The following NREP variants were observed in gnomAD, a reference collection of about 807,000 sequenced individuals.
NREP encodes the protein neuronal regeneration-related protein.
NREP carries 5 observed loss-of-function variants against 8.6 expected under a neutral mutation model. That is an observed-to-expected ratio of 0.58 (90% CI 0.30 to 1.22). NREP has a LOEUF of 1.22. Among genes scored for constraint, NREP ranks in the 50% most tolerant of loss-of-function variants. The pLI is 0.07. For synonymous variants in NREP, 27 were observed against 28.0 expected (o/e 0.96, Z 0.11); for missense variants, 86 against 82.5 (o/e 1.04, Z -0.17).
At chr5:111,946,346 T>C (rs1755982867) in intron 2 of NREP, among the ~76,000 whole-genome samples, 1 of 151,984 alleles carries the variant, frequency 6.6e-6, no homozygotes, top group Non-Finnish European at 1.5e-5. Flanking sequence ...ATGTTTGAAG[T>C]GTGGGCCCTA....
chr5:111,975,453 C>G lies in NREP; in HGVS notation c.31-75G>C, dbSNP rs1581266510. ...GCCACAACTCACAGCTCCAGCAATT[C>G]AGAGAGGAGGAGAATGGGCATTGTT... is the stretch of plus-strand genomic sequence containing the variant. On this transcript the variant is annotated intron_variant, in intron 1 of 3. Transcript: ENST00000395634. The G allele has an allele frequency of 7.2e-6, 7 of 969,306 alleles. No individual in the cohort carries two copies. In the East Asian group the frequency reaches 1.8e-4, roughly 25 times the overall value. The allele number at this position is 969,306 out of a possible 1,614,324, so 60.0% of individuals were successfully genotyped here.
rs116403396 is a variant in NREP at position 111,937,305 on chromosome 5, C to T, written c.135+37969G>A. 4.1e-3 allele frequency among the ~76,000 whole-genome samples: 629 copies of T among 152,226 alleles called. 7 individuals are homozygous for T. The highest frequency in any genetic ancestry group is 0.014 in the African/African-American group (595 of 41,564). On this transcript the variant is annotated intron_variant, in intron 2 of 3. Coordinates refer to the NREP transcript ENST00000395634. Reference sequence around the variant, plus strand: ...ATAACTGTCTTTCTCACTGGAATAACTTCCAAGATTAGCAGAATCCTGCAC... The same window carrying T: ...ATAACTGTCTTTCTCACTGGAATAATTTCCAAGATTAGCAGAATCCTGCAC...
intron 2 of NREP, among the ~76,000 whole-genome samples, chr5:111,871,998 T>C (rs1365505201): frequency 6.7e-6 from 1 of 150,244 alleles, no homozygotes; most frequent in Non-Finnish European, 1.5e-5. Context: ...ATATGTATAA[T>C]CTTTCTGCTA....
upstream of NREP, chr5:111,757,730 G>A (rs1337717356): frequency 1.2e-5 from 12 of 984,396 alleles, no homozygotes; most frequent in Non-Finnish European, 1.4e-5. Flanking sequence ...CCCCGGCCCC[G>A]CCCCGGGAGC....
intron 2 of NREP, among the ~76,000 whole-genome samples, chr5:111,777,206 A>T (rs1347034509): frequency 6.6e-6 from 1 of 152,158 alleles, no homozygotes; most frequent in Admixed American, 6.6e-5. Context: ...TATGGATGGT[A>T]CATAATTAAT....
At chr5:111,804,979 C>T (rs532816402) in intron 2 of NREP, among the ~76,000 whole-genome samples, 1 of 148,610 alleles carries the variant, frequency 6.7e-6, no homozygotes, top group East Asian at 2.0e-4. Context: ...CTAGCCTGGG[C>T]GACAGAGCGA....
intron 2 of NREP, among the ~76,000 whole-genome samples, chr5:111,885,481 A>G: frequency 6.6e-6 from 1 of 152,314 alleles, no homozygotes; most frequent in Middle Eastern, 3.4e-3. Flanking sequence ...ACTACTTTAA[A>G]GTTCATATGG....
intron 2 of NREP, among the ~76,000 whole-genome samples, chr5:111,779,546 C>G (rs1031028841): frequency 2.0e-5 from 3 of 152,062 alleles, no homozygotes; most frequent in Non-Finnish European, 4.4e-5. Flanking sequence ...GCTATGAGAA[C>G]CAGGAGGAGA....
chr5:111,763,663 A>T (rs189414862), intron 2 of NREP, among the ~76,000 whole-genome samples: 529 of 152,388 alleles, frequency 3.5e-3, no homozygotes, highest in Non-Finnish European at 5.8e-3. Context: ...ACTGATCTGC[A>T]TCATGGTACA....
At chr5:111,963,103 A>G (rs143945320) in intron 2 of NREP, among the ~76,000 whole-genome samples, 1 of 152,264 alleles carries the variant, frequency 6.6e-6, no homozygotes, top group Non-Finnish European at 1.5e-5. Flanking sequence ...AGTGGATAAC[A>G]CATGGCTGTC....
At chr5:111,792,778 GAACA>G (rs1751780783) in intron 2 of NREP, among the ~76,000 whole-genome samples, 1 of 152,182 alleles carries the variant, frequency 6.6e-6, no homozygotes, top group African/African-American at 2.4e-5. Context: ...TGAATTAAAT[GAACA>G]AACAAAATTT....
At chr5:111,864,330 G>A (rs186607032) in intron 2 of NREP, among the ~76,000 whole-genome samples, 12 of 152,196 alleles carry the variant, frequency 7.9e-5, no homozygotes, top group Admixed American at 6.6e-4. Flanking sequence ...AGATATTATT[G>A]AGTTAAGAAG....
intron 2 of NREP, among the ~76,000 whole-genome samples, chr5:111,968,726 G>A (rs1045901757): frequency 6.6e-6 from 1 of 152,124 alleles, no homozygotes; most frequent in Non-Finnish European, 1.5e-5. Context: ...ACTACTTCTA[G>A]CTTCAGTTTC....
chr5:111,938,687 T>C (rs1755750450), intron 2 of NREP, among the ~76,000 whole-genome samples: 1 of 152,040 alleles, frequency 6.6e-6, no homozygotes, highest in Non-Finnish European at 1.5e-5. Context: ...AAAGGCCTAT[T>C]GTAAACTTTA....
chr5:111,786,298 C>T (rs1305440913), intron 2 of NREP, among the ~76,000 whole-genome samples: 2 of 152,142 alleles, frequency 1.3e-5, no homozygotes, highest in Non-Finnish European at 2.9e-5. Flanking sequence ...TTTCATGAGG[C>T]CTCCCAGCCA....
At chr5:111,789,793 A>G (rs867235230) in intron 2 of NREP, among the ~76,000 whole-genome samples, 3 of 152,188 alleles carry the variant, frequency 2.0e-5, no homozygotes, top group Admixed American at 6.5e-5. Flanking sequence ...GAGCCAAACC[A>G]TATGAGCTCA....
exon 2 of NREP, chr5:111,975,302 A>T: frequency 2.6e-6 from 4 of 1,551,532 alleles, no homozygotes; most frequent in Non-Finnish European, 3.5e-6. Flanking sequence ...CTGGCAGTGA[A>T]CCTGGAAACA....
chr5:111,921,972 C>T lies in NREP; in HGVS notation c.135+53302G>A, dbSNP rs149946393. ...TCACCCCCTGCCATGATTCTGAGGC[C>T]TCACCAGCCATGTGGAACTGTAAGT... On this transcript the variant is annotated intron_variant, in intron 2 of 3. Transcript: ENST00000395634. 5.1e-3 allele frequency among the ~76,000 whole-genome samples: 777 copies of T among 152,264 alleles called. 4 individuals are homozygous for T. The highest frequency in any genetic ancestry group is 8.0e-3 in the Non-Finnish European group (544 of 68,034).
At position 111,729,380 on chromosome 5, in the gene NREP, A is replaced by G. The variant is rs1748351312; in HGVS notation, c.*1541T>C. ...TACATTGGGTACTTGTCATGAGTGCATCAGTAAAGATCACACTGTTACAAA... is the reference window on the plus strand; with the variant it reads ...TACATTGGGTACTTGTCATGAGTGCGTCAGTAAAGATCACACTGTTACAAA... On this transcript the variant is annotated 3_prime_UTR_variant, in exon 4 of 4. Transcript: ENST00000257435. 6.6e-6 allele frequency: 1 copy of G among 152,304 alleles called. No homozygotes were observed. The highest frequency in any genetic ancestry group is 1.5e-5 in the Non-Finnish European group (1 of 68,052). The allele number at this position is 152,304 out of a possible 1,614,324, so 9.4% of individuals were successfully genotyped here.
Sources: gnomAD v4.1 joint callset for allele counts (sites outside exome capture counted in the v4.1 genomes callset) on GRCh38, gnomAD v4.1.1 for gene constraint, MANE v1.5 for transcripts, NCBI Gene and HGNC (gene_info 2026-07-23, HGNC 2026-07-21) for gene names.